The following FAHD1 variants were observed in gnomAD, a reference collection of about 807,000 sequenced individuals.
FAHD1 encodes the protein FAH domain containing oxaloacetate decarboxylase 1, also known as oxaloacetate tautomerase FAHD1, mitochondrial.
In FAHD1, 14 loss-of-function variants were observed where a neutral mutation model predicts 12.7. That is an observed-to-expected ratio of 1.10 (90% CI 0.73 to 1.72). The LOEUF (loss-of-function observed/expected upper bound fraction) is 1.72. Among genes scored for constraint, FAHD1 ranks in the 40% most tolerant of loss-of-function variants. FAHD1 has a pLI of 0.00. For missense variants in FAHD1, 351 were observed against 298.9 expected, an observed-to-expected ratio of 1.17 and a Z score of -1.29; for synonymous variants, 153 against 124.9, an observed-to-expected ratio of 1.22 and a Z score of -1.50.
At chr16:1,831,123 G>A (rs1212459167), downstream of FAHD1, among the ~76,000 whole-genome samples, 2 of 152,110 alleles carry the variant, frequency 1.3e-5, no homozygotes, top group Non-Finnish European at 2.9e-5. Context: ...CTGTTCTTCT[G>A]TTGTGTTTTT....
downstream of FAHD1, among the ~76,000 whole-genome samples, chr16:1,832,175 A>ATTT (rs1567269584): frequency 1.2e-4 from 1 of 8,476 alleles, no homozygotes; most frequent in Admixed American, 1.6e-3. Flanking sequence ...GGCTATGGTC[A>ATTT]TTCTTTTTTT....
rs202223532 is a variant in FAHD1, at chr16:1,839,467, T to C, written c.*214T>C. On this transcript the variant is annotated 3_prime_UTR_variant, in exon 3 of 3. Coordinates refer to the FAHD1 transcript ENST00000382666. ...AAAAGAAACAAAGACAATGATAAAA[T>C]GTGATGCCCTAAGCTACAAATTTCA... is the stretch of plus-strand genomic sequence containing the variant. The C allele has an allele frequency of 1.8e-5, 28 of 1,574,852 alleles. No homozygotes were observed. The East Asian group carries it at 5.8e-4, about 33-fold the overall frequency.
chr16:1,837,633 C>G (rs1898785065), intron 1 of FAHD1: 1 of 482,264 alleles, frequency 2.1e-6, no homozygotes, highest in Non-Finnish European at 3.7e-6. Flanking sequence ...TGGCTATTTC[C>G]TTTGCTTTTA....
chr16:1,832,178 C>CTTCTT (rs1555470264), downstream of FAHD1, among the ~76,000 whole-genome samples: 126 of 108,818 alleles, frequency 1.2e-3, no homozygotes, highest in African/African-American at 4.1e-3. Flanking sequence ...TATGGTCATT[C>CTTCTT]TTTTTTTTTT....
At chr16:1,839,486 A>T (rs1898841532) in exon 3 of FAHD1, 1 of 1,495,530 alleles carries the variant, frequency 6.7e-7, no homozygotes, top group Non-Finnish European at 9.1e-7. Context: ...CTAAGCTACA[A>T]ATTTCATCTG....
At chr16:1,827,753 A>C (rs150430426) in exon 1 of FAHD1, 1 of 1,614,090 alleles carries the variant, frequency 6.2e-7, no homozygotes, top group Non-Finnish European at 8.5e-7. Flanking sequence ...ATCATCAGCT[A>C]TGTTTCTAAG....
chr16:1,830,944 A>ACACACC (rs57025691), downstream of FAHD1, among the ~76,000 whole-genome samples: 64,977 of 147,148 alleles, frequency 0.44, 15,361 homozygotes, highest in Middle Eastern at 0.59. Context: ...ACACACACAC[A>ACACACC]CCCATATTTT....
chr16:1,835,216 C>T (rs987595472), intron 1 of FAHD1, among the ~76,000 whole-genome samples: 1 of 151,464 alleles, frequency 6.6e-6, no homozygotes, highest in African/African-American at 2.4e-5. Flanking sequence ...GATCGCACCA[C>T]GTGCTCCAGC....
At chr16:1,830,352 T>C (rs1304656034), downstream of FAHD1, among the ~76,000 whole-genome samples, 1 of 152,222 alleles carries the variant, frequency 6.6e-6, no homozygotes, top group East Asian at 1.9e-4. Flanking sequence ...TTTTTTCCTT[T>C]GGCTAGGTTC....
chr16:1,833,182 G>A (rs189828101), downstream of FAHD1, among the ~76,000 whole-genome samples: 17 of 152,270 alleles, frequency 1.1e-4, no homozygotes, highest in African/African-American at 3.1e-4. Flanking sequence ...CAGTTGAGCC[G>A]TTTACTTTGT....
At chr16:1,830,027 C>T (rs1898593784), downstream of FAHD1, among the ~76,000 whole-genome samples, 1 of 152,148 alleles carries the variant, frequency 6.6e-6, no homozygotes, top group Admixed American at 6.5e-5. Flanking sequence ...CCACACCCGG[C>T]TAATTTTGTA....
downstream of FAHD1, among the ~76,000 whole-genome samples, chr16:1,829,851 CT>C (rs57402569): frequency 1.3e-5 from 2 of 149,326 alleles, no homozygotes; most frequent in Middle Eastern, 3.5e-3. Context: ...ATACAATTTT[CT>C]TTTTTTTCTT....
At chr16:1,828,969 TTGTGGGG>T, downstream of FAHD1, 1 of 979,738 alleles carries the variant, frequency 1.0e-6, no homozygotes, top group Non-Finnish European at 1.2e-6. Flanking sequence ...TATTTCCTCC[TTGTGGGG>T]CTTCAGACCT....
intron 1 of FAHD1, chr16:1,834,247 T>C (rs751857468): frequency 6.7e-7 from 1 of 1,495,238 alleles, no homozygotes; most frequent in South Asian, 1.2e-5. Context: ...TTCAAAATGA[T>C]AGACCGTTTT....
Position 1,827,982 on chromosome 16 carries a change from AATTAGAAACCATTT to A in FAHD1, c.*82_*95del, listed in dbSNP as rs1232566495. ...CGGCTATTAAATGTCACAATCCTTT[AATTAGAAACCATTT>A]ATTGGCCGGACGCGGTGGCTCACGC... On this transcript the variant is annotated 3_prime_UTR_variant, in exon 1 of 1. Coordinates refer to ENST00000427358, the Ensembl canonical transcript of FAHD1. 3.2e-6 allele frequency: 5 copies of A among 1,545,190 alleles called. No individual in the cohort carries two copies. The Admixed American group carries it at 9.9e-5, about 31-fold the overall frequency.
chr16:1,830,174 T>A (rs1330939221), downstream of FAHD1, among the ~76,000 whole-genome samples: 1 of 152,264 alleles, frequency 6.6e-6, no homozygotes, highest in Admixed American at 6.5e-5. Flanking sequence ...TACCATACAA[T>A]TATTTAACTT....
At chr16:1,836,457 G>T (rs1200942878) in intron 1 of FAHD1, among the ~76,000 whole-genome samples, 1 of 152,170 alleles carries the variant, frequency 6.6e-6, no homozygotes, top group Non-Finnish European at 1.5e-5. Flanking sequence ...AGTATACAGG[G>T]TCGGTCAAGG....
At chr16:1,828,658 G>T in exon 1 of FAHD1, 1 of 950,586 alleles carries the variant, frequency 1.1e-6, no homozygotes. Flanking sequence ...GGCCCATCTC[G>T]GACTTGCTGA....
chr16:1,835,940 A>G (rs1350097226), intron 1 of FAHD1, among the ~76,000 whole-genome samples: 1 of 148,352 alleles, frequency 6.7e-6, no homozygotes, highest in Non-Finnish European at 1.5e-5. Flanking sequence ...GCTCACTGCA[A>G]CCTCTGCCTC....
Sources: gnomAD v4.1 joint callset for allele counts (sites outside exome capture counted in the v4.1 genomes callset) on GRCh38, gnomAD v4.1.1 for gene constraint, MANE v1.5 for transcripts, NCBI Gene and HGNC (gene_info 2026-07-23, HGNC 2026-07-21) for gene names.